The following WNT7B variants were observed in gnomAD, a reference collection of about 807,000 sequenced individuals.
WNT7B encodes Wnt family member 7B, also known as protein Wnt-7b.
In WNT7B, 19 loss-of-function variants were observed where a neutral mutation model predicts 38.2. The ratio of observed to expected loss-of-function variants is 0.50; its 90% CI spans 0.35 to 0.73. The LOEUF (loss-of-function observed/expected upper bound fraction) is 0.73. Among genes scored for constraint, WNT7B ranks in the 30% least tolerant of loss-of-function variants. The pLI is 0.01. For synonymous variants in WNT7B, 243 were observed against 209.3 expected, an observed-to-expected ratio of 1.16 and a Z score of -1.39; for missense variants, 423 against 507.9, an observed-to-expected ratio of 0.83 and a Z score of 1.61.
At chr22:45,967,585 C>T (rs945373856) in intron 1 of WNT7B, among the ~76,000 whole-genome samples, 41 of 152,262 alleles carry the variant, frequency 2.7e-4, no homozygotes, top group African/African-American at 9.1e-4. Flanking sequence ...CGCTATGCCA[C>T]ACCCAGGGTC....
chr22:45,944,272 G>A (rs1931741578), intron 2 of WNT7B, among the ~76,000 whole-genome samples: 1 of 152,238 alleles, frequency 6.6e-6, no homozygotes, highest in Non-Finnish European at 1.5e-5. Context: ...GGGGCCATGT[G>A]GAAGGACTGG....
chr22:45,928,314 C>A (rs888728028), intron 3 of WNT7B, among the ~76,000 whole-genome samples: 11 of 152,204 alleles, frequency 7.2e-5, no homozygotes, highest in African/African-American at 2.7e-4. Context: ...AAGCCCCACC[C>A]TACACCCACC....
chr22:45,932,660 C>T (rs1321542284), intron 2 of WNT7B, among the ~76,000 whole-genome samples: 2 of 152,242 alleles, frequency 1.3e-5, no homozygotes, highest in Admixed American at 1.3e-4. Flanking sequence ...CTGGCTGAGT[C>T]CATGTCATTT....
chr22:45,926,837 AGTGTGGAGG>A (rs1569109384), intron 3 of WNT7B: 2 of 985,214 alleles, frequency 2.0e-6, no homozygotes, highest in African/African-American at 1.7e-5. Flanking sequence ...CGAGAAGGAG[AGTGTGGAGG>A]GTGTGCCCCT....
chr22:45,927,319 G>A (rs1002651624), intron 3 of WNT7B: 1 of 985,418 alleles, frequency 1.0e-6, no homozygotes, highest in African/African-American at 1.7e-5. Context: ...GGGAGCTTGG[G>A]GAAGGGCAGC....
chr22:45,971,198 T>A (rs1932428904), intron 1 of WNT7B, among the ~76,000 whole-genome samples: 1 of 124,522 alleles, frequency 8.0e-6, no homozygotes, highest in African/African-American at 3.1e-5. Context: ...CTGCCCCCTC[T>A]GGCCGCGTCA....
chr22:45,948,107 G>A lies in WNT7B; in HGVS notation c.298+1813C>T, dbSNP rs186159888. On this transcript the variant is annotated intron_variant, in intron 2 of 3. Transcript: ENST00000339464. ...GGCAGCAAGGATTAGCAGGAACAGCGAGGGACACCTGATCGACGCTCAGCT... is the reference window on the plus strand; with the variant it reads ...GGCAGCAAGGATTAGCAGGAACAGCAAGGGACACCTGATCGACGCTCAGCT... Among the ~76,000 whole-genome samples the A allele has an allele frequency of 9.2e-4, 140 of 152,338 alleles. 1 individual carries two copies. Among genetic ancestry groups the A allele is most frequent in the African/African-American group, 3.3e-3 (137 of 41,576 alleles).
At chr22:45,961,134 C>T (rs1205953148) in intron 1 of WNT7B, among the ~76,000 whole-genome samples, 1 of 152,256 alleles carries the variant, frequency 6.6e-6, no homozygotes, top group South Asian at 2.1e-4. Flanking sequence ...GGACGCATTG[C>T]AGCCCAGAGC....
chr22:45,944,398 C>G (rs529263238), intron 2 of WNT7B, among the ~76,000 whole-genome samples: 2 of 152,334 alleles, frequency 1.3e-5, no homozygotes, highest in South Asian at 4.1e-4. Flanking sequence ...AGCCTGTGAG[C>G]TGCCTTCCCG....
At chr22:45,925,463 C>G (rs1305046923) in intron 3 of WNT7B, 8 of 985,152 alleles carry the variant, frequency 8.1e-6, no homozygotes, top group Non-Finnish European at 9.6e-6. Flanking sequence ...GGCGGGGCAG[C>G]TTTGGGGAAT....
At chr22:45,929,943 T>C (rs201740139) in intron 3 of WNT7B, among the ~76,000 whole-genome samples, 26,098 of 93,992 alleles carry the variant, frequency 0.28, 2,354 homozygotes, top group African/African-American at 0.37. Context: ...CACTCATCCT[T>C]CCATCCATCC....
chr22:45,928,996 CTCATCCAGGTCT>C (rs914334818), intron 3 of WNT7B, among the ~76,000 whole-genome samples: 7 of 152,206 alleles, frequency 4.6e-5, no homozygotes, highest in African/African-American at 1.4e-4. Context: ...TCCAGAGCCA[CTCATCCAGGTCT>C]GCTGCTCACT....
intron 2 of WNT7B, among the ~76,000 whole-genome samples, chr22:45,936,978 C>A (rs559946506): frequency 6.6e-6 from 1 of 152,202 alleles, no homozygotes; most frequent in African/African-American, 2.4e-5. Flanking sequence ...CCACAGGGGC[C>A]GGTGCACTTT....
chr22:45,969,271 C>T lies in WNT7B; in HGVS notation c.71+7413G>A, dbSNP rs565234868. Among the ~76,000 whole-genome samples, 8 of 152,356 alleles carry T rather than the reference C, an allele frequency of 5.3e-5. No homozygotes were observed. In the South Asian group the frequency reaches 8.3e-4, roughly 16 times the overall value. ...CCGTCACCCATGACTCACTTGGCTCCCCAGAGCAGGCGGTCACCATGACAG... is the reference window on the plus strand; with the variant it reads ...CCGTCACCCATGACTCACTTGGCTCTCCAGAGCAGGCGGTCACCATGACAG... On this transcript the variant is annotated intron_variant, in intron 1 of 3. Transcript: ENST00000339464.
rs968898561 is a variant in WNT7B, at chr22:45,975,709, C to T, written c.71+975G>A. The T allele has an allele frequency of 7.9e-6, 4 of 506,030 alleles. No homozygotes were observed. Among genetic ancestry groups the T allele is most frequent in the Non-Finnish European group, 1.5e-5 (4 of 273,092 alleles). 31.3% of individuals were successfully genotyped at this position (506,030 alleles called of 1,614,324 possible). A position where few individuals can be genotyped will look rare whatever the true frequency, so the allele number is the denominator to read the frequency against. On this transcript the variant is annotated intron_variant, in intron 1 of 3. Transcript: ENST00000339464. The surrounding 1 kb of genome is among the most constrained non-coding windows in gnomAD (Gnocchi z 6.6). ...CCTTGCCTGTGGCCTGGACGGGGCT[C>T]GCCTCGGGGCAGCCGGCGGCGCACA...
rs1932565794 is a variant in WNT7B, at chr22:45,976,958, C to G, written c.-204G>C. On this transcript the variant is annotated 5_prime_UTR_variant, in exon 1 of 4. Transcript: ENST00000339464. This position sits in a 1 kb window ranked among gnomAD's most constrained non-coding sequence, Gnocchi z 8.5. ...GCCGCCGCCGCCACCGCCGCGTGAG[C>G]CCGGGGAATTGACCCAGGCTGGGGG... 3 of 988,188 alleles carry G rather than the reference C, an allele frequency of 3.0e-6. No homozygotes were observed. Among genetic ancestry groups the G allele is most frequent in the Non-Finnish European group, 3.6e-6 (3 of 832,264 alleles). 61.2% of individuals were successfully genotyped at this position (988,188 alleles called of 1,614,324 possible). A position where few individuals can be genotyped will look rare whatever the true frequency, so the allele number is the denominator to read the frequency against.
At position 45,920,725 on chromosome 22, in the gene WNT7B, G is replaced by T; in HGVS notation, c.*2131C>A. The T allele has an allele frequency of 8.1e-6, 1 of 123,254 alleles. No homozygotes were observed. The highest frequency in any genetic ancestry group is 1.7e-5 in the Non-Finnish European group (1 of 57,280). The allele number at this position is 123,254 out of a possible 1,614,324, so 7.6% of individuals were successfully genotyped here. A position where few individuals can be genotyped will look rare whatever the true frequency, so the allele number is the denominator to read the frequency against. ...GGGATGGGATGGGGGATGGGATGAG[G>T]GATGAGATGAGGGATGGGATGGGAT... On this transcript the variant is annotated 3_prime_UTR_variant, in exon 4 of 4. Coordinates refer to ENST00000339464, the MANE Select transcript of WNT7B (RefSeq NM_058238.3).
At chr22:45,927,438 G>A (rs1233424758) in intron 3 of WNT7B, 4 of 1,546,194 alleles carry the variant, frequency 2.6e-6, no homozygotes, top group Non-Finnish European at 3.5e-6. Flanking sequence ...ATGCCAGCTA[G>A]GGGAACGGCA....
chr22:45,963,609 C>T (rs1013690182), intron 1 of WNT7B, among the ~76,000 whole-genome samples: 9 of 152,192 alleles, frequency 5.9e-5, no homozygotes, highest in African/African-American at 1.9e-4. Flanking sequence ...GGTTTGGTAT[C>T]AGAGACAAGA....
Sources: gnomAD v4.1 joint callset for allele counts (sites outside exome capture counted in the v4.1 genomes callset) on GRCh38, gnomAD v4.1.1 for gene constraint, Gnocchi (gnomAD v3.1) non-coding constraint, MANE v1.5 for transcripts, NCBI Gene and HGNC (gene_info 2026-07-23, HGNC 2026-07-21) for gene names.